Variants in ASB3 observed in about 807,000 individuals in gnomAD.
The protein encoded by ASB3 is ankyrin repeat and SOCS box protein 3.
A neutral mutation model predicts 54.5 loss-of-function variants in ASB3; 41 were observed. That is an observed-to-expected ratio of 0.75 (90% CI 0.59 to 0.98). The LOEUF (loss-of-function observed/expected upper bound fraction) is 0.98. ASB3 is among the 50% of genes least tolerant of loss of function. ASB3 has a pLI of 0.00. For missense variants in ASB3, 733 were observed against 620.0 expected (o/e 1.18, Z -1.94); for synonymous variants, 266 against 221.2 (o/e 1.20, Z -1.80).
intron 3 of ASB3, among the ~76,000 whole-genome samples, chr2:53,738,109 G>C (rs1671743766): frequency 6.6e-6 from 1 of 152,122 alleles, no homozygotes; most frequent in Non-Finnish European, 1.5e-5. Context: ...GTAAGCCCAT[G>C]ATATCAGGAA....
chr2:53,700,149 A>G, intron 8 of ASB3, 122 bp downstream of exon 8: 2 of 1,458,562 alleles, frequency 1.4e-6, no homozygotes, highest in Non-Finnish European at 1.8e-6. Flanking sequence ...CTTCACCCCA[A>G]TTCAGCCATC....
chr2:53,714,309 A>G (rs552628489), intron 7 of ASB3, 75 bp downstream of exon 7: 1 of 1,537,374 alleles, frequency 6.5e-7, no homozygotes, highest in East Asian at 2.3e-5. Context: ...TTTCATCGTG[A>G]AAGAAAGTCA....
intron 2 of ASB3, among the ~76,000 whole-genome samples, chr2:53,763,952 C>A (rs1388194543): frequency 1.3e-5 from 2 of 152,056 alleles, no homozygotes; most frequent in Admixed American, 1.3e-4. Flanking sequence ...ATTTTAAAAA[C>A]AATCATGACA....
intron 1 of ASB3, chr2:53,774,631 T>C (rs2104178291): frequency 2.5e-6 from 2 of 805,352 alleles, no homozygotes; most frequent in Non-Finnish European, 3.6e-6. Context: ...ATTTAAACTT[T>C]TATTTTAACT....
In ASB3 at chr2:53,712,946, G is replaced by A. The variant is rs140234614; in HGVS notation, c.980+1438C>T. 3.4e-3 allele frequency among the ~76,000 whole-genome samples: 525 copies of A among 152,266 alleles called. 5 individuals carry two copies. The highest frequency in any genetic ancestry group is 0.012 in the African/African-American group (499 of 41,542). On this transcript the variant is annotated intron_variant, in intron 7 of 9. Coordinates refer to ENST00000263634, the MANE Select transcript of ASB3 (RefSeq NM_016115.5). ...TCTGTTTAAAAAGACAAAACTTAAC[G>A]GGGTACACAAGAAAATCCTATGAAA...
chr2:53,780,910 C>T (rs1176507962), intron 1 of ASB3, among the ~76,000 whole-genome samples: 3 of 152,154 alleles, frequency 2.0e-5, no homozygotes, highest in Admixed American at 6.5e-5. Context: ...TAATGGTTAA[C>T]ACTTATGTAG....
At chr2:53,696,295 C>G (rs1023832122) in intron 8 of ASB3, among the ~76,000 whole-genome samples, 1 of 152,150 alleles carries the variant, frequency 6.6e-6, no homozygotes, top group Non-Finnish European at 1.5e-5. Context: ...TTTACTAGTT[C>G]TTAATTCTTT....
chr2:53,716,813 G>C (rs115018169), intron 5 of ASB3, 70 bp from the exon 6 acceptor site: 29,790 of 1,492,064 alleles, frequency 0.02, 348 homozygotes, highest in Middle Eastern at 0.032. Context: ...AATTTCAAAG[G>C]AACTACCATA....
chr2:53,770,482 G>A (rs1326961192), intron 1 of ASB3, among the ~76,000 whole-genome samples: 3 of 136,982 alleles, frequency 2.2e-5, no homozygotes, highest in Middle Eastern at 3.9e-3. Flanking sequence ...TTGGTACTCC[G>A]TGGACGAAGT....
intron 1 of ASB3, among the ~76,000 whole-genome samples, chr2:53,772,323 C>T (rs944921464): frequency 3.9e-5 from 6 of 152,018 alleles, no homozygotes; most frequent in East Asian, 1.9e-4. Flanking sequence ...TACAGGCGCC[C>T]GCCACCATGT....
At chr2:53,708,345 GAGCAGACACC>G (rs1437930242) in intron 7 of ASB3, among the ~76,000 whole-genome samples, 2 of 152,166 alleles carry the variant, frequency 1.3e-5, no homozygotes, top group Non-Finnish European at 2.9e-5. Context: ...TCCAAAAGCT[GAGCAGACACC>G]AACATCATGG....
intron 2 of ASB3, among the ~76,000 whole-genome samples, chr2:53,758,006 G>A (rs1293573502): frequency 1.3e-5 from 2 of 152,158 alleles, no homozygotes; most frequent in Non-Finnish European, 2.9e-5. Context: ...AAGGAGAGAA[G>A]AGACAGAGAG....
At chr2:53,750,020 C>CTAGGTTATTGTTAGTACCTAACAA (rs1355339345) in intron 3 of ASB3, among the ~76,000 whole-genome samples, 1 of 152,008 alleles carries the variant, frequency 6.6e-6, no homozygotes, top group Non-Finnish European at 1.5e-5. Context: ...ATAACAAAGA[C>CTAGGTTATTGTTAGTACCTAACAA]TAGATAGGTA....
intron 8 of ASB3, among the ~76,000 whole-genome samples, chr2:53,698,495 A>G (rs1204179999): frequency 4.6e-5 from 7 of 152,054 alleles, no homozygotes; most frequent in Non-Finnish European, 8.8e-5. Context: ...ACATCTCTCT[A>G]TAAGTGGCCA....
Position 53,742,674 on chromosome 2 carries a change from A to C in ASB3, c.355+8109T>G, listed in dbSNP as rs938716122. On this transcript the variant is annotated intron_variant, in intron 3 of 9. Coordinates refer to ENST00000263634, the MANE Select transcript of ASB3 (RefSeq NM_016115.5). ...AAGCAAAAACAATCATAAAAAATCCAATTGAAATTGAAAGAAACACTAGAC... is the reference window on the plus strand; with the variant it reads ...AAGCAAAAACAATCATAAAAAATCCCATTGAAATTGAAAGAAACACTAGAC... Among the ~76,000 whole-genome samples, 34 of 152,112 alleles carry C rather than the reference A, an allele frequency of 2.2e-4. 8 individuals are homozygous for C. Among genetic ancestry groups the C allele is most frequent in the Admixed American group, 2.2e-3 (33 of 15,268 alleles).
intron 5 of ASB3, among the ~76,000 whole-genome samples, chr2:53,727,812 G>A (rs1162596413): frequency 6.6e-6 from 1 of 152,090 alleles, no homozygotes; most frequent in African/African-American, 2.4e-5. Flanking sequence ...TGCAACCTCT[G>A]CCTCCCAGGT....
chr2:53,684,063 CT>C (rs1394661456), intron 9 of ASB3, among the ~76,000 whole-genome samples: 1 of 152,084 alleles, frequency 6.6e-6, no homozygotes, highest in African/African-American at 2.4e-5. Flanking sequence ...AGTTCTTCTA[CT>C]TTTTTAATGT....
At chr2:53,676,064 T>C (rs1668066230) in intron 9 of ASB3, among the ~76,000 whole-genome samples, 1 of 152,184 alleles carries the variant, frequency 6.6e-6, no homozygotes, top group Admixed American at 6.5e-5. Context: ...AAAAGCTGTA[T>C]TTTTGTAAAA....
chr2:53,752,933 T>C (rs944534912), intron 2 of ASB3, among the ~76,000 whole-genome samples: 38 of 152,012 alleles, frequency 2.5e-4, no homozygotes, highest in African/African-American at 9.2e-4. Flanking sequence ...TCTTGTAAAG[T>C]AGAAAAGATG....
Sources: gnomAD v4.1 joint callset for allele counts (sites outside exome capture counted in the v4.1 genomes callset) on GRCh38, gnomAD v4.1.1 for gene constraint, MANE v1.5 for transcripts, NCBI Gene and HGNC (gene_info 2026-07-23, HGNC 2026-07-21) for gene names.